PEAK1: variants seen among roughly 807,000 people sequenced by gnomAD.
PEAK1 encodes the protein inactive tyrosine-protein kinase PEAK1.
In PEAK1, 54 loss-of-function variants were observed where a neutral mutation model predicts 124.7. The ratio of observed to expected loss-of-function variants is 0.43; its 90% CI spans 0.35 to 0.54. The LOEUF is 0.54. PEAK1 is among the 20% of genes least tolerant of loss of function. The pLI, the probability that PEAK1 is intolerant of heterozygous loss-of-function variation, is 0.01. For synonymous variants in PEAK1, 719 were observed against 760.0 expected (o/e 0.95, Z 0.89); for missense variants, 2,046 against 2,134.5 (o/e 0.96, Z 0.82).
chr15:77,222,803 A>G (rs2059447726), intron 6 of PEAK1, among the ~76,000 whole-genome samples: 1 of 152,078 alleles, frequency 6.6e-6, no homozygotes, highest in South Asian at 2.1e-4. Context: ...TGCCATAGAA[A>G]GCATAGCATT....
At position 77,133,802 on chromosome 15, in the gene PEAK1, CTAATT is replaced by C. The variant is rs2053088538; in HGVS notation, c.3332-57_3332-53del. 6.7e-7 allele frequency: 1 copy of C among 1,490,796 alleles called. No homozygotes were observed. Among genetic ancestry groups the C allele is most frequent in the African/African-American group, 1.4e-5 (1 of 71,268 alleles). The allele number at this position is 1,490,796 out of a possible 1,614,324, so 92.3% of individuals were successfully genotyped here. A position where few individuals can be genotyped will look rare whatever the true frequency, so the allele number is the denominator to read the frequency against. ...GAAAAGAGTAAGTAAAGTTTTCAATCTAATTTTATAACTGAAACTTGAGCAGAAAT... is the reference window on the plus strand; with the variant it reads ...GAAAAGAGTAAGTAAAGTTTTCAATCTTATAACTGAAACTTGAGCAGAAAT... On this transcript the variant is annotated intron_variant, in intron 8 of 9. Transcript: ENST00000682557. This position sits in a 1 kb window ranked among gnomAD's most constrained non-coding sequence, Gnocchi z 4.2.
rs115495476 is a variant in PEAK1, at chr15:77,260,663, A to G, written c.-274-8137T>C. 7.3e-3 allele frequency among the ~76,000 whole-genome samples: 1,112 copies of G among 152,316 alleles called. 15 individuals carry two copies. Among genetic ancestry groups the G allele is most frequent in the African/African-American group, 0.025 (1,056 of 41,572 alleles). The stretch of plus-strand genomic sequence containing the variant: ...CAGTAGTTCATACACAGAAGAAAAA[A>G]AGGTGGAGCCAAGATGGCCGAATAG... On this transcript the variant is annotated intron_variant, in intron 5 of 9. Transcript: ENST00000682557.
At chr15:77,237,607 C>A (rs2152905492) in intron 6 of PEAK1, among the ~76,000 whole-genome samples, 1 of 151,976 alleles carries the variant, frequency 6.6e-6, no homozygotes, top group South Asian at 2.1e-4. Context: ...AGCTCATTAA[C>A]TGCTCATGTT....
chr15:77,172,090 T>C (rs1435033297), intron 7 of PEAK1, among the ~76,000 whole-genome samples: 1 of 152,208 alleles, frequency 6.6e-6, no homozygotes, highest in Non-Finnish European at 1.5e-5. Context: ...CAGAATTTGA[T>C]AAGTGGTAGT....
chr15:77,313,450 T>C (rs1335477923), intron 2 of PEAK1, among the ~76,000 whole-genome samples: 1 of 151,860 alleles, frequency 6.6e-6, no homozygotes. Context: ...GCACAAAGAC[T>C]TCCTTTTATT....
At chr15:77,160,449 G>C (rs192870668) in intron 7 of PEAK1, among the ~76,000 whole-genome samples, 1 of 152,036 alleles carries the variant, frequency 6.6e-6, no homozygotes, top group South Asian at 2.1e-4. Flanking sequence ...AGGCTGAGGC[G>C]GGCGGATCAC....
At position 77,115,148 on chromosome 15, in the gene PEAK1, C is replaced by G. The variant is rs772060827; in HGVS notation, c.4249G>C (p.Asp1417His). ...GCGTCTTCTTCAGTCTCTTCCATGTCATCCTCATCCTTTTCAGGGTCATCT... is the reference window on the plus strand; with the variant it reads ...GCGTCTTCTTCAGTCTCTTCCATGTGATCCTCATCCTTTTCAGGGTCATCT... ...DPDDPEKDED[D>H]MEETEEDAKG... Residue 1417 changes from aspartate (D) to histidine (H), a missense_variant, in exon 10 of 10, where the codon GAC (aspartate) becomes CAC (histidine). Asp to His is a moderately conservative substitution (Grantham distance 81, BLOSUM62 -1). Coordinates refer to ENST00000682557, the MANE Select transcript of PEAK1 (RefSeq NM_001385026.1). The G allele has an allele frequency of 6.2e-7, 1 of 1,614,142 alleles. No individual in the cohort carries two copies.
At chr15:77,164,410 G>A (rs982217652) in intron 7 of PEAK1, among the ~76,000 whole-genome samples, 3 of 152,210 alleles carry the variant, frequency 2.0e-5, no homozygotes, top group Non-Finnish European at 4.4e-5. Context: ...GCTAGGTCTC[G>A]AGATGGGGAA....
chr15:77,311,290 C>G (rs990985423), intron 2 of PEAK1, among the ~76,000 whole-genome samples: 1 of 152,098 alleles, frequency 6.6e-6, no homozygotes, highest in Non-Finnish European at 1.5e-5. Context: ...TCTGAATGAC[C>G]AGCTCTAAGT....
chr15:77,323,543 A>C (rs1169003967), intron 2 of PEAK1, among the ~76,000 whole-genome samples: 1 of 152,228 alleles, frequency 6.6e-6, no homozygotes, highest in East Asian at 1.9e-4. Flanking sequence ...ATTGCTTCAA[A>C]GAGAATAAAA....
chr15:77,191,016 T>A (rs2057806013), intron 6 of PEAK1, among the ~76,000 whole-genome samples: 1 of 152,230 alleles, frequency 6.6e-6, no homozygotes, highest in Non-Finnish European at 1.5e-5. Flanking sequence ...CCTAACTTTA[T>A]GTTTTTTGTA....
chr15:77,197,102 C>T (rs1384830477), intron 6 of PEAK1, among the ~76,000 whole-genome samples: 2 of 152,020 alleles, frequency 1.3e-5, no homozygotes, highest in Non-Finnish European at 2.9e-5. Flanking sequence ...ATCCACCTGC[C>T]TTGGCCTCCC....
At chr15:77,117,423 C>CT (rs1166040289) in intron 9 of PEAK1, among the ~76,000 whole-genome samples, 2 of 152,216 alleles carry the variant, frequency 1.3e-5, no homozygotes, top group Non-Finnish European at 2.9e-5. Context: ...TAGCGTACAT[C>CT]TGTAAACTAC....
chr15:77,274,135 C>A (rs551998613), intron 5 of PEAK1, among the ~76,000 whole-genome samples: 19 of 152,142 alleles, frequency 1.2e-4, no homozygotes, highest in African/African-American at 4.6e-4. Context: ...TCGAAATGGA[C>A]CAAAGATTTA....
intron 6 of PEAK1, among the ~76,000 whole-genome samples, chr15:77,250,164 T>C (rs530691413): frequency 8.3e-4 from 118 of 141,836 alleles, no homozygotes; most frequent in Non-Finnish European, 1.5e-3. Flanking sequence ...TACATATATA[T>C]ACATATATAT....
intron 2 of PEAK1, among the ~76,000 whole-genome samples, chr15:77,364,434 T>G (rs960689186): frequency 1.3e-5 from 2 of 152,168 alleles, no homozygotes; most frequent in African/African-American, 4.8e-5. Context: ...ATGTAGATAC[T>G]GAAGGACTCA....
intron 2 of PEAK1, among the ~76,000 whole-genome samples, chr15:77,359,607 G>A (rs1310907637): frequency 3.3e-5 from 5 of 152,016 alleles, no homozygotes; most frequent in Non-Finnish European, 5.9e-5. Context: ...GTTCAGCAAG[G>A]TTGTGTGATA....
chr15:77,232,534 C>T (rs1374300823), intron 6 of PEAK1, among the ~76,000 whole-genome samples: 1 of 152,212 alleles, frequency 6.6e-6, no homozygotes, highest in Non-Finnish European at 1.5e-5. Flanking sequence ...CCTCATACTT[C>T]AGCGGAAAAA....
At chr15:77,327,798 G>A (rs1246343061) in intron 2 of PEAK1, among the ~76,000 whole-genome samples, 3 of 151,804 alleles carry the variant, frequency 2.0e-5, no homozygotes, top group African/African-American at 4.8e-5. Flanking sequence ...AAAATGCAAC[G>A]TTATTGCAAT....
Sources: allele counts gnomAD v4.1 joint callset (sites outside exome capture counted in the v4.1 genomes callset), GRCh38; gene constraint gnomAD v4.1.1; non-coding constraint Gnocchi (gnomAD v3.1); transcripts MANE v1.5; gene names NCBI Gene and HGNC (gene_info 2026-07-23, HGNC 2026-07-21).